Variants in FMN2 observed in about 807,000 individuals in gnomAD.
The protein encoded by FMN2 is formin 2.
Under a neutral mutation model 142.3 loss-of-function variants are expected in FMN2, and 51 were observed. That is an observed-to-expected ratio of 0.36 (90% CI 0.29 to 0.45). The LOEUF is 0.45. FMN2 is among the 20% of genes least tolerant of loss of function. FMN2 has a pLI of 1.00. For synonymous variants in FMN2, 882 were observed against 869.8 expected (o/e 1.01, Z -0.25); for missense variants, 1,936 against 2,122.8 (o/e 0.91, Z 1.73).
chr1:240,117,698 A>G (rs991631502), intron 1 of FMN2, among the ~76,000 whole-genome samples: 1 of 152,228 alleles, frequency 6.6e-6, no homozygotes, highest in Admixed American at 6.5e-5. Flanking sequence ...GGTAGTTCTC[A>G]GGAGTTAGAT....
intron 6 of FMN2, among the ~76,000 whole-genome samples, chr1:240,233,936 G>T (rs890194018): frequency 2.0e-5 from 3 of 152,094 alleles, no homozygotes; most frequent in African/African-American, 7.2e-5. Context: ...GGCAATGATG[G>T]TCTATATTTC....
At chr1:240,426,017 A>G (rs1472090948) in intron 15 of FMN2, among the ~76,000 whole-genome samples, 2 of 152,210 alleles carry the variant, frequency 1.3e-5, no homozygotes, top group Admixed American at 6.5e-5. Context: ...TAATACTTGA[A>G]CGAGAGTAAA....
chr1:240,289,145 A>G (rs894620940), intron 7 of FMN2, among the ~76,000 whole-genome samples: 4 of 152,170 alleles, frequency 2.6e-5, no homozygotes, highest in Non-Finnish European at 5.9e-5. Flanking sequence ...CTTTACCACC[A>G]GTTTAGCAGG....
intron 8 of FMN2, among the ~76,000 whole-genome samples, chr1:240,323,217 C>T (rs1671041007): frequency 6.6e-6 from 1 of 150,666 alleles, no homozygotes; most frequent in Non-Finnish European, 1.5e-5. Flanking sequence ...CACACTCTCA[C>T]TCTCTCTCAC....
At chr1:240,314,995 A>G (rs1670725496) in intron 8 of FMN2, among the ~76,000 whole-genome samples, 1 of 152,210 alleles carries the variant, frequency 6.6e-6, no homozygotes, top group African/African-American at 2.4e-5. Context: ...TGACACACAT[A>G]GAGTAAACAT....
intron 8 of FMN2, among the ~76,000 whole-genome samples, chr1:240,300,671 A>G (rs1398892584): frequency 2.0e-5 from 3 of 152,214 alleles, no homozygotes; most frequent in Non-Finnish European, 4.4e-5. Context: ...TGTTTCTTTC[A>G]TTGAAAACTA....
intron 7 of FMN2, among the ~76,000 whole-genome samples, chr1:240,285,942 G>C (rs1317121955): frequency 6.6e-6 from 1 of 152,054 alleles, no homozygotes; most frequent in East Asian, 1.9e-4. Flanking sequence ...CCTTGTAGAG[G>C]CTTCCCATAG....
chr1:240,452,902 G>C (rs1676108777), intron 16 of FMN2, among the ~76,000 whole-genome samples: 1 of 152,106 alleles, frequency 6.6e-6, no homozygotes, highest in African/African-American at 2.4e-5. Flanking sequence ...TACAACCTCT[G>C]ATTAGTTTTC....
At chr1:240,440,489 G>A (rs1675573165) in intron 16 of FMN2, among the ~76,000 whole-genome samples, 1 of 147,656 alleles carries the variant, frequency 6.8e-6, no homozygotes, top group African/African-American at 2.6e-5. Context: ...AAATCAGCTA[G>A]ATCCATTTTT....
rs183676947 is a variant in FMN2, at chr1:240,441,034, C to T, written c.5060+2824C>T. Among the ~76,000 whole-genome samples the T allele has an allele frequency of 1.0e-3, 145 of 138,208 alleles. 2 individuals are homozygous for T. The highest frequency in any genetic ancestry group is 3.3e-3 in the Admixed American group (41 of 12,284). 90.7% of individuals were successfully genotyped at this position (138,208 alleles called of 152,430 possible). A position where few individuals can be genotyped will look rare whatever the true frequency, so the allele number is the denominator to read the frequency against. ...TTTTTGAGACATAGTCTCACTCTGT[C>T]GCCACACTGGAGTGCGGTGGCGCGA... On this transcript the variant is annotated intron_variant, in intron 16 of 17. Coordinates refer to ENST00000319653, the MANE Select transcript of FMN2 (RefSeq NM_020066.5).
At chr1:240,196,730 CT>C (rs1322504952) in intron 4 of FMN2, among the ~76,000 whole-genome samples, 9 of 152,230 alleles carry the variant, frequency 5.9e-5, no homozygotes, top group Non-Finnish European at 8.8e-5. Flanking sequence ...CCAGGCTGGT[CT>C]CAAACTCCTG....
At chr1:240,165,509 G>T (rs979905953) in intron 2 of FMN2, among the ~76,000 whole-genome samples, 3 of 152,012 alleles carry the variant, frequency 2.0e-5, no homozygotes, top group African/African-American at 7.2e-5. Context: ...TTCTTGGAGA[G>T]ATTTAACATA....
chr1:240,230,424 G>T (rs766235250), intron 6 of FMN2, among the ~76,000 whole-genome samples: 1 of 131,832 alleles, frequency 7.6e-6, no homozygotes, highest in Non-Finnish European at 1.6e-5. Flanking sequence ...AAGAGCTGAC[G>T]TCCCCTAAAG....
At chr1:240,392,284 A>G (rs1673629501) in intron 14 of FMN2, among the ~76,000 whole-genome samples, 1 of 152,118 alleles carries the variant, frequency 6.6e-6, no homozygotes, top group Non-Finnish European at 1.5e-5. Flanking sequence ...TTTTGATTAG[A>G]TAATATATCT....
intron 8 of FMN2, among the ~76,000 whole-genome samples, chr1:240,299,458 A>T (rs945064865): frequency 5.9e-5 from 9 of 152,204 alleles, no homozygotes; most frequent in Non-Finnish European, 7.3e-5. Context: ...TTTCTTAAAA[A>T]TAAGGTAATT....
At chr1:240,289,301 A>G (rs962791536) in intron 7 of FMN2, among the ~76,000 whole-genome samples, 3 of 152,130 alleles carry the variant, frequency 2.0e-5, no homozygotes, top group African/African-American at 4.8e-5. Context: ...AAAAATATCA[A>G]TGTAAGGCAT....
intron 13 of FMN2, among the ~76,000 whole-genome samples, chr1:240,353,615 A>G (rs1263516104): frequency 6.6e-6 from 1 of 152,214 alleles, no homozygotes; most frequent in Non-Finnish European, 1.5e-5. Flanking sequence ...GGTAGTTGAT[A>G]TTGAATCCCA....
At chr1:240,382,632 G>C (rs1673268094) in intron 14 of FMN2, among the ~76,000 whole-genome samples, 1 of 151,966 alleles carries the variant, frequency 6.6e-6, no homozygotes, top group Admixed American at 6.6e-5. Context: ...CTGCACTCCA[G>C]CCTGGGTGAC....
intron 13 of FMN2, among the ~76,000 whole-genome samples, chr1:240,337,232 A>T (rs1357805777): frequency 2.4e-5 from 3 of 127,440 alleles, no homozygotes; most frequent in Non-Finnish European, 4.7e-5. Flanking sequence ...TTTTTTTAAG[A>T]CAGTCTTGCT....
Sources: gnomAD v4.1 joint callset for allele counts (sites outside exome capture counted in the v4.1 genomes callset) on GRCh38, gnomAD v4.1.1 for gene constraint, MANE v1.5 for transcripts, NCBI Gene and HGNC (gene_info 2026-07-23, HGNC 2026-07-21) for gene names.